The following SEL1L3 variants were observed in gnomAD, a reference collection of about 807,000 sequenced individuals.
SEL1L3 encodes the protein SEL1L family member 3.
In SEL1L3, 76 loss-of-function variants were observed where a neutral mutation model predicts 142.8. The observed-to-expected ratio is 0.53, with a 90% CI of 0.44 to 0.64. SEL1L3 has a LOEUF of 0.64. SEL1L3 is among the 30% of genes least tolerant of loss of function. The pLI is 0.00. For synonymous variants in SEL1L3, 504 were observed against 519.6 expected, an observed-to-expected ratio of 0.97 and a Z score of 0.41; for missense variants, 1,262 against 1,381.7, an observed-to-expected ratio of 0.91 and a Z score of 1.37.
chr4:25,729,364 G>A, the SEL1L3 span, among the ~76,000 whole-genome samples: 3 of 152,116 alleles, frequency 2.0e-5, no homozygotes, highest in African/African-American at 4.8e-5. Flanking sequence ...TGCTTACCAC[G>A]CATGCACGTG....
At position 25,847,842 on chromosome 4, in the gene SEL1L3, C is replaced by A; in HGVS notation, c.185G>T (p.Arg62Met). ...CYLNVVPSLG[R>M]QTSLTTSVIP... ...CACTGATGTCGTCAGGGAAGTCTGCCTACCCAAAGATGGTACAACATTCTG... is the reference window on the plus strand; with the variant it reads ...CACTGATGTCGTCAGGGAAGTCTGCATACCCAAAGATGGTACAACATTCTG... The change falls in exon 2 of 24, where the codon AGG becomes ATG. Residue 62 changes from arginine to methionine, a missense_variant. By Grantham distance (91) the Arg-to-Met change is moderately conservative (BLOSUM62 -1). Around this residue, in one of 3 missense-constraint regions of SEL1L3, gnomAD observed 689 missense variants for 692.8 expected, o/e 0.99. Coordinates refer to ENST00000399878, the MANE Select transcript of SEL1L3 (RefSeq NM_015187.5). 1 of 1,578,362 alleles carries A rather than the reference C, an allele frequency of 6.3e-7. No homozygotes were observed. Among genetic ancestry groups the A allele is most frequent in the East Asian group, 2.2e-5 (1 of 44,534 alleles).
At chr4:25,742,988 T>G (rs1163168096), downstream of SEL1L3, among the ~76,000 whole-genome samples, 1 of 152,156 alleles carries the variant, frequency 6.6e-6, no homozygotes, top group Non-Finnish European at 1.5e-5. Flanking sequence ...AGAAGGAGTT[T>G]CAAACCACGA....
intron 11 of SEL1L3, among the ~76,000 whole-genome samples, chr4:25,795,671 C>G (rs1160478654): frequency 1.3e-5 from 2 of 152,192 alleles, no homozygotes; most frequent in Admixed American, 1.3e-4. Context: ...CCAGGCAAAT[C>G]TGGCCCTGGA....
At chr4:25,806,641 G>A (rs1713596022) in intron 9 of SEL1L3, among the ~76,000 whole-genome samples, 1 of 152,094 alleles carries the variant, frequency 6.6e-6, no homozygotes, top group South Asian at 2.1e-4. Context: ...GAGCTGTGGG[G>A]AAGGATGCAG....
intron 14 of SEL1L3, among the ~76,000 whole-genome samples, chr4:25,783,665 C>T (rs1299988512): frequency 6.6e-6 from 1 of 152,124 alleles, no homozygotes; most frequent in African/African-American, 2.4e-5. Context: ...GGGGGCCCCT[C>T]GAAAGCAACA....
intron 6 of SEL1L3, among the ~76,000 whole-genome samples, chr4:25,822,884 C>A (rs1035166500): frequency 2.0e-5 from 3 of 152,204 alleles, no homozygotes; most frequent in African/African-American, 7.2e-5. Context: ...GGGACTGGCC[C>A]ATCAATTTAG....
At chr4:25,834,124 C>A (rs1715614907) in intron 3 of SEL1L3, among the ~76,000 whole-genome samples, 1 of 152,180 alleles carries the variant, frequency 6.6e-6, no homozygotes, top group Non-Finnish European at 1.5e-5. Flanking sequence ...GTATCACGGT[C>A]CTGGCTGACC....
intron 6 of SEL1L3, 49 bp from the exon 7 acceptor site, chr4:25,822,177 G>T: frequency 5.0e-6 from 8 of 1,608,662 alleles, no homozygotes; most frequent in Non-Finnish European, 6.8e-6. Flanking sequence ...GGAACTAGAT[G>T]ATTTAAAAAC....
At chr4:25,782,899 C>T (rs1462039549) in intron 14 of SEL1L3, among the ~76,000 whole-genome samples, 1 of 152,198 alleles carries the variant, frequency 6.6e-6, no homozygotes, top group Non-Finnish European at 1.5e-5. Flanking sequence ...CCTACTTGCA[C>T]AGCACAGGTG....
intron 9 of SEL1L3, among the ~76,000 whole-genome samples, chr4:25,806,818 A>AT (rs1013948754): frequency 1.1e-4 from 16 of 151,372 alleles, no homozygotes; most frequent in East Asian, 1.9e-4. Context: ...CTTTTTCTGT[A>AT]TTTTTTTTAA....
chr4:25,839,186 A>G (rs1284151386), intron 2 of SEL1L3, among the ~76,000 whole-genome samples: 1 of 152,202 alleles, frequency 6.6e-6, no homozygotes, highest in African/African-American at 2.4e-5. Flanking sequence ...ATTTTCTTTA[A>G]AGCCAAAGTC....
At chr4:25,812,343 C>G (rs1373971797) in intron 9 of SEL1L3, among the ~76,000 whole-genome samples, 1 of 152,210 alleles carries the variant, frequency 6.6e-6, no homozygotes, top group Non-Finnish European at 1.5e-5. Flanking sequence ...CCCCTTGCCA[C>G]AGTGTAGGCA....
chr4:25,861,573 A>C (rs749212103), intron 1 of SEL1L3, among the ~76,000 whole-genome samples: 7 of 150,982 alleles, frequency 4.6e-5, no homozygotes, highest in Non-Finnish European at 7.4e-5. Flanking sequence ...AAAAAGAAAG[A>C]CTCCAAATAA....
intron 23 of SEL1L3, among the ~76,000 whole-genome samples, chr4:25,749,300 T>C (rs980483805): frequency 3.3e-5 from 5 of 152,136 alleles, no homozygotes; most frequent in African/African-American, 1.2e-4. Flanking sequence ...CTAAGGCATG[T>C]ATTTTCAAGC....
intron 17 of SEL1L3, among the ~76,000 whole-genome samples, chr4:25,768,759 G>A (rs1718942599): frequency 6.6e-6 from 1 of 152,056 alleles, no homozygotes; most frequent in African/African-American, 2.4e-5. Context: ...AATGATGTGT[G>A]GCAGGGTATT....
the SEL1L3 span, among the ~76,000 whole-genome samples, chr4:25,728,874 A>G: frequency 9.2e-5 from 14 of 152,020 alleles, no homozygotes; most frequent in South Asian, 2.1e-4. Context: ...AAAAAAAAAA[A>G]AAAAGAAAAG....
At chr4:25,846,729 T>G (rs11734370) in intron 2 of SEL1L3, among the ~76,000 whole-genome samples, 1 of 150,852 alleles carries the variant, frequency 6.6e-6, no homozygotes, top group Non-Finnish European at 1.5e-5. Context: ...GCCAACATGG[T>G]GAAACCCCAT....
chr4:25,782,377 G>A lies in SEL1L3; in HGVS notation c.2322C>T (p.His774=), dbSNP rs1720064003. 1 of 1,613,816 alleles carries A rather than the reference G, an allele frequency of 6.2e-7. No individual in the cohort carries two copies. Among genetic ancestry groups the A allele is most frequent in the Non-Finnish European group, 8.5e-7 (1 of 1,179,780 alleles). The change falls in exon 15 of 24, where the codon CAC becomes CAT. Residue 774 remains histidine, a synonymous_variant. Transcript: ENST00000399878. Reference sequence around the variant, plus strand: ...CTTTGGCGTAATTTTTCTTGAATTTGTGGTAATACCATCCCAGGCCATTGA... The same window carrying A: ...CTTTGGCGTAATTTTTCTTGAATTTATGGTAATACCATCCCAGGCCATTGA... ...QAVNGLGWYY[H]KFKKNYAKAA...
intron 2 of SEL1L3, among the ~76,000 whole-genome samples, chr4:25,840,614 C>A (rs1293908139): frequency 6.6e-6 from 1 of 152,154 alleles, no homozygotes; most frequent in South Asian, 2.1e-4. Flanking sequence ...GTTCATAAAG[C>A]TAAACATTAG....
Sources: allele counts gnomAD v4.1 joint callset (sites outside exome capture counted in the v4.1 genomes callset), GRCh38; gene constraint gnomAD v4.1.1; regional missense constraint gnomAD v4.1.1; transcripts MANE v1.5; gene names NCBI Gene and HGNC (gene_info 2026-07-23, HGNC 2026-07-21).